TOGARAM2: variants seen among roughly 807,000 people sequenced by gnomAD.
TOGARAM2 encodes TOG array regulator of axonemal microtubules protein 2.
TOGARAM2 carries 85 observed loss-of-function variants against 93.3 expected under a neutral mutation model. The ratio of observed to expected loss-of-function variants is 0.91; its 90% confidence interval spans 0.76 to 1.09. The LOEUF (loss-of-function observed/expected upper bound fraction) is 1.09, where lower values mean the gene tolerates loss of function less well. Among genes scored for constraint, TOGARAM2 ranks in the 50% least tolerant of loss-of-function variants. TOGARAM2 has a pLI of 0.00. For missense variants in TOGARAM2, 1,277 were observed against 1,334.5 expected, an observed-to-expected ratio of 0.96 and a Z score of 0.67; for synonymous variants, 593 against 552.8, an observed-to-expected ratio of 1.07 and a Z score of -1.02.
At chr2:28,990,592 A>G (rs529812279) in intron 1 of TOGARAM2, among the ~76,000 whole-genome samples, 1 of 151,972 alleles carries the variant, frequency 6.6e-6, no homozygotes, top group Admixed American at 6.5e-5. Flanking sequence ...TTTAGACCCC[A>G]TTTCCTACCC....
chr2:29,024,672 A>T (rs1005348215), intron 13 of TOGARAM2, among the ~76,000 whole-genome samples: 1 of 152,146 alleles, frequency 6.6e-6, no homozygotes, highest in African/African-American at 2.4e-5. Context: ...TTCATCGGCC[A>T]GGCCGGGGGA....
At chr2:29,029,753 C>CAA (rs1665645253) in intron 14 of TOGARAM2, among the ~76,000 whole-genome samples, 8 of 74,010 alleles carry the variant, frequency 1.1e-4, no homozygotes, top group African/African-American at 2.9e-4. Flanking sequence ...AAGGCTCTGT[C>CAA]TAAAAAAAAA....
chr2:29,032,024 C>T (rs895762790), intron 14 of TOGARAM2, among the ~76,000 whole-genome samples: 1 of 152,200 alleles, frequency 6.6e-6, no homozygotes, highest in Non-Finnish European at 1.5e-5. Context: ...GATTTCAGGC[C>T]TGCACCATCT....
chr2:28,999,214 A>G lies in TOGARAM2; in HGVS notation c.173A>G (p.Asn58Ser). The G allele has an allele frequency of 5.0e-6, 8 of 1,613,754 alleles. No individual in the cohort carries two copies. The highest frequency in any genetic ancestry group is 5.9e-6 in the Non-Finnish European group (7 of 1,179,790). Residue 58 changes from asparagine (N) to serine (S), a missense_variant, in exon 4 of 20, where the codon AAC (asparagine) becomes AGC (serine). By Grantham distance (46) the Asn-to-Ser change is conservative. Coordinates refer to ENST00000379558, the MANE Select transcript of TOGARAM2 (RefSeq NM_199280.4). ...SLQPEPRALLNNEEPSQLLRG... is the reference protein window; with the variant it reads ...SLQPEPRALLSNEEPSQLLRG... Reference sequence around the variant, plus strand: ...CAGCCTGAGCCAAGAGCCCTGCTGAACAACGAGGAACCGTCACAGCTCCTG... The same window carrying G: ...CAGCCTGAGCCAAGAGCCCTGCTGAGCAACGAGGAACCGTCACAGCTCCTG...
chr2:29,015,683 TCCTTGTCTA>T (rs1246390204), intron 8 of TOGARAM2, among the ~76,000 whole-genome samples: 1 of 152,160 alleles, frequency 6.6e-6, no homozygotes, highest in African/African-American at 2.4e-5. Context: ...CCACGGTTAG[TCCTTGTCTA>T]CCTTGACCCC....
chr2:29,030,558 T>C (rs1665706074), intron 14 of TOGARAM2, among the ~76,000 whole-genome samples: 1 of 152,212 alleles, frequency 6.6e-6, no homozygotes, highest in Admixed American at 6.5e-5. Context: ...CCAGATCTGC[T>C]ACTCCTCTCC....
chr2:29,022,961 G>A, intron 11 of TOGARAM2, 125 bp from the exon 12 acceptor site: 1 of 764,454 alleles, frequency 1.3e-6, no homozygotes, highest in Non-Finnish European at 2.2e-6. Flanking sequence ...TGAGGCCATG[G>A]AATGGCACCC....
intron 14 of TOGARAM2, 129 bp downstream of exon 14, chr2:29,027,140 CCTTT>C: frequency 1.0e-6 from 1 of 992,436 alleles, no homozygotes; most frequent in East Asian, 2.8e-5. Context: ...GAAGCTATGT[CCTTT>C]CCTTTCAGCT....
chr2:29,051,681 T>C, intron 19 of TOGARAM2, 75 bp from the exon 20 acceptor site: 1 of 1,265,962 alleles, frequency 7.9e-7, no homozygotes, highest in Non-Finnish European at 1.1e-6. Context: ...GGGGACAAAG[T>C]TGGTGTCCCA....
intron 19 of TOGARAM2, chr2:29,046,401 C>T (rs1021860764): frequency 6.6e-6 from 1 of 152,294 alleles, no homozygotes; most frequent in Non-Finnish European, 1.5e-5. Flanking sequence ...CCTCCCCTGC[C>T]TTGGGAAGGT....
At chr2:29,011,343 C>T in intron 6 of TOGARAM2, 112 bp from the exon 7 acceptor site, 1 of 863,726 alleles carries the variant, frequency 1.2e-6, no homozygotes, top group East Asian at 2.8e-5. Context: ...GTGCCGTCCC[C>T]TCTGTCCCCC....
rs1368308206 is a variant in TOGARAM2, at chr2:29,023,260, G to A, written c.1617+69G>A. ...AGCTGCTGGATGCAGTCCGCTAGCAGCTGTGGAGGGGCTGTGGCTTCAGGG... is the reference window on the plus strand; with the variant it reads ...AGCTGCTGGATGCAGTCCGCTAGCAACTGTGGAGGGGCTGTGGCTTCAGGG... On this transcript the variant is annotated intron_variant, in intron 12 of 19. Transcript: ENST00000379558. 4.6e-6 allele frequency: 6 copies of A among 1,300,764 alleles called. No homozygotes were observed. The Admixed American group carries it at 6.1e-5, about 13-fold the overall frequency. The allele number at this position is 1,300,764 out of a possible 1,614,324, so 80.6% of individuals were successfully genotyped here.
chr2:28,961,150 T>TCCTG (rs973327762), intron 1 of TOGARAM2, among the ~76,000 whole-genome samples: 5 of 151,962 alleles, frequency 3.3e-5, no homozygotes, highest in African/African-American at 1.2e-4. Context: ...GACCCTGCTG[T>TCCTG]CCTGAGTCCT....
chr2:29,037,614 A>AG (rs1484959921), intron 18 of TOGARAM2, among the ~76,000 whole-genome samples: 1 of 148,460 alleles, frequency 6.7e-6, no homozygotes. Flanking sequence ...GCCTGAGCCC[A>AG]GCTCCCTGGG....
intron 1 of TOGARAM2, among the ~76,000 whole-genome samples, chr2:28,962,021 C>T (rs1671810068): frequency 6.6e-6 from 1 of 151,848 alleles, no homozygotes; most frequent in Admixed American, 6.6e-5. Context: ...TTTAATATGA[C>T]TATAGTCAGA....
chr2:28,999,695 C>T (rs1235719115), intron 4 of TOGARAM2, among the ~76,000 whole-genome samples: 1 of 152,246 alleles, frequency 6.6e-6, no homozygotes, highest in Non-Finnish European at 1.5e-5. Context: ...TTCATTCCCA[C>T]CCTTGCGCCT....
At chr2:29,025,115 G>T (rs1440889881) in intron 13 of TOGARAM2, among the ~76,000 whole-genome samples, 3 of 152,164 alleles carry the variant, frequency 2.0e-5, no homozygotes, top group African/African-American at 7.2e-5. Flanking sequence ...TGTTGGACCA[G>T]CTGGGAGACC....
Position 29,017,950 on chromosome 2 carries a change from G to A in TOGARAM2, c.1354G>A (p.Ala452Thr), listed in dbSNP as rs936491921. ...SRQEPRFARH[A>T]SANSLPAVLT... ...GCAGGAGCCCCGCTTTGCCCGCCACGCCTCAGGTGGGCAGGCCCGACTGGC... is the reference window on the plus strand; with the variant it reads ...GCAGGAGCCCCGCTTTGCCCGCCACACCTCAGGTGGGCAGGCCCGACTGGC... Residue 452 changes from alanine to threonine, a missense_variant, in exon 10 of 20, where the codon GCC (alanine) becomes ACC (threonine). By Grantham distance (58) the Ala-to-Thr change is moderately conservative. Coordinates refer to ENST00000379558, the MANE Select transcript of TOGARAM2 (RefSeq NM_199280.4). 10 of 1,601,944 alleles carry A rather than the reference G, an allele frequency of 6.2e-6. No homozygotes were observed. Among genetic ancestry groups the A allele is most frequent in the South Asian group, 3.3e-5 (3 of 89,580 alleles).
chr2:29,020,755 C>T (rs947337530), intron 10 of TOGARAM2, among the ~76,000 whole-genome samples: 3 of 152,214 alleles, frequency 2.0e-5, no homozygotes, highest in Admixed American at 6.5e-5. Context: ...ATGTCATTCA[C>T]GTCCGTGCTG....
Sources: allele counts gnomAD v4.1 joint callset (sites outside exome capture counted in the v4.1 genomes callset), GRCh38; gene constraint gnomAD v4.1.1; transcripts MANE v1.5; gene names NCBI Gene and HGNC (gene_info 2026-07-23, HGNC 2026-07-21).